Variants in CSMD1 observed in about 807,000 individuals in gnomAD.
The protein encoded by CSMD1 is CUB and Sushi multiple domains 1, also known as CUB and sushi domain-containing protein 1.
In CSMD1, 213 loss-of-function variants were observed where a neutral mutation model predicts 417.5. The observed-to-expected ratio is 0.51, with a 90% CI of 0.46 to 0.57. The LOEUF (loss-of-function observed/expected upper bound fraction) is 0.57. CSMD1 is among the 20% of genes least tolerant of loss of function. The pLI is 0.00. For synonymous variants in CSMD1, 2,862 were observed against 1,736.8 expected, an observed-to-expected ratio of 1.65 and a Z score of -16.11; for missense variants, 6,923 against 4,529.7, an observed-to-expected ratio of 1.53 and a Z score of -15.17.
intron 10 of CSMD1, among the ~76,000 whole-genome samples, chr8:3,513,709 T>A (rs1438044042): frequency 1.3e-5 from 2 of 152,232 alleles, no homozygotes; most frequent in Non-Finnish European, 2.9e-5. Context: ...TATGTAAGTC[T>A]ACTGCCCTCA....
rs190133236 is a variant in CSMD1 at position 4,921,624 on chromosome 8, T to C, written c.85+72708A>G. Among the ~76,000 whole-genome samples, 375 of 152,274 alleles carry C rather than the reference T, an allele frequency of 2.5e-3. 1 individual carries two copies. Among genetic ancestry groups the C allele is most frequent in the Non-Finnish European group, 4.0e-3 (274 of 68,024 alleles). ...AATACCTTTTATTTTACTCAGATAA[T>C]GGAAGGATAACCAACAAGTGTGAAT... On this transcript the variant is annotated intron_variant, in intron 1 of 69. Transcript: ENST00000635120.
At chr8:3,122,004 G>A (rs555313527) in intron 41 of CSMD1, among the ~76,000 whole-genome samples, 34 of 151,714 alleles carry the variant, frequency 2.2e-4, no homozygotes, top group Admixed American at 1.5e-3. Context: ...ATGTAATTGC[G>A]GTTTTTGCCA....
At chr8:4,435,430 T>C (rs1358311722) in intron 2 of CSMD1, among the ~76,000 whole-genome samples, 2 of 152,210 alleles carry the variant, frequency 1.3e-5, no homozygotes, top group Admixed American at 6.5e-5. Flanking sequence ...GCCCAGAGTT[T>C]GTCTAGTTTT....
chr8:3,660,510 TTTTTTTTTTTTTTTTTTTTTTTTTTTTTG>T (rs1798359816), intron 7 of CSMD1, among the ~76,000 whole-genome samples: 2 of 3,026 alleles, frequency 6.6e-4, no homozygotes, highest in African/African-American at 2.0e-3. Context: ...TTTTTTTTTT[TTTTTTTTTTTTTTTTTTTTTTTTTTTTTG>T]AAAAAAAACA....
intron 1 of CSMD1, among the ~76,000 whole-genome samples, chr8:4,977,434 G>T (rs1291192028): frequency 1.3e-5 from 2 of 152,078 alleles, no homozygotes; most frequent in African/African-American, 4.8e-5. Context: ...GTGAGGGGTG[G>T]GTGCATGTCC....
intron 7 of CSMD1, among the ~76,000 whole-genome samples, chr8:3,679,600 C>A (rs1799548415): frequency 6.6e-6 from 1 of 152,010 alleles, no homozygotes. Flanking sequence ...TCTTTAACAC[C>A]CCACTGTCAA....
chr8:4,425,666 A>G (rs1033088323), intron 2 of CSMD1, among the ~76,000 whole-genome samples: 1 of 146,050 alleles, frequency 6.8e-6, no homozygotes, highest in East Asian at 2.1e-4. Context: ...ACTTTGAGGA[A>G]TCCCTGCTTC....
At chr8:3,378,734 T>C (rs1442204933) in intron 18 of CSMD1, among the ~76,000 whole-genome samples, 1 of 152,214 alleles carries the variant, frequency 6.6e-6, no homozygotes, top group Non-Finnish European at 1.5e-5. Context: ...AACTAGGTAG[T>C]GATGGAACAT....
chr8:3,410,291 T>C (rs1048744984), intron 12 of CSMD1, among the ~76,000 whole-genome samples: 1 of 152,236 alleles, frequency 6.6e-6, no homozygotes, highest in African/African-American at 2.4e-5. Context: ...AGAGCCACTG[T>C]GTGTCAGGTC....
intron 6 of CSMD1, among the ~76,000 whole-genome samples, chr8:3,715,231 A>G (rs1373821220): frequency 6.6e-6 from 1 of 152,196 alleles, no homozygotes; most frequent in African/African-American, 2.4e-5. Flanking sequence ...TAAATTTCTA[A>G]GTAAGCGTTG....
chr8:3,263,647 C>A (rs1272971592), intron 26 of CSMD1, among the ~76,000 whole-genome samples: 2 of 152,008 alleles, frequency 1.3e-5, no homozygotes, highest in Non-Finnish European at 1.5e-5. Context: ...CATATAGTTA[C>A]CCAAATTAGA....
chr8:4,477,647 C>A (rs116549614), intron 2 of CSMD1, among the ~76,000 whole-genome samples: 1 of 152,070 alleles, frequency 6.6e-6, no homozygotes, highest in South Asian at 2.1e-4. Flanking sequence ...TCTAAGAAAT[C>A]GTTGACTGGG....
intron 40 of CSMD1, among the ~76,000 whole-genome samples, chr8:3,145,089 G>A (rs985075302): frequency 6.6e-6 from 1 of 152,246 alleles, no homozygotes; most frequent in Non-Finnish European, 1.5e-5. Flanking sequence ...CTGTGTGCAC[G>A]TGTGTTTGTG....
chr8:4,168,419 T>G (rs1369982615), intron 3 of CSMD1, among the ~76,000 whole-genome samples: 1 of 151,932 alleles, frequency 6.6e-6, no homozygotes, highest in Non-Finnish European at 1.5e-5. Flanking sequence ...TATTTTACAT[T>G]TATTTTTTAT....
At chr8:3,657,838 G>C (rs550073834) in intron 7 of CSMD1, among the ~76,000 whole-genome samples, 11 of 152,258 alleles carry the variant, frequency 7.2e-5, no homozygotes, top group South Asian at 6.2e-4. Context: ...AGAACTTGAA[G>C]TATAATAATA....
intron 1 of CSMD1, among the ~76,000 whole-genome samples, chr8:4,869,026 A>T (rs1389606188): frequency 6.6e-6 from 1 of 151,958 alleles, no homozygotes; most frequent in Non-Finnish European, 1.5e-5. Flanking sequence ...ATTTTGTTAT[A>T]TATTACTACA....
chr8:4,355,962 G>C (rs375604822), intron 3 of CSMD1, among the ~76,000 whole-genome samples: 5 of 152,088 alleles, frequency 3.3e-5, no homozygotes, highest in Non-Finnish European at 7.4e-5. Flanking sequence ...TTTTTTTATG[G>C]ATGTTCTTTC....
chr8:4,560,072 CCA>C (rs1644768475), intron 2 of CSMD1, among the ~76,000 whole-genome samples: 1 of 152,256 alleles, frequency 6.6e-6, no homozygotes, highest in Non-Finnish European at 1.5e-5. Context: ...GACTGCATAT[CCA>C]CAGAGGCCTC....
At chr8:4,737,053 G>C (rs1301315260) in intron 1 of CSMD1, among the ~76,000 whole-genome samples, 1 of 152,098 alleles carries the variant, frequency 6.6e-6, no homozygotes, top group Non-Finnish European at 1.5e-5. Context: ...ATTGCAGCAT[G>C]ATTCACAAAA....
Sources: allele counts gnomAD v4.1 joint callset (sites outside exome capture counted in the v4.1 genomes callset), GRCh38; gene constraint gnomAD v4.1.1; transcripts MANE v1.5; gene names NCBI Gene and HGNC (gene_info 2026-07-23, HGNC 2026-07-21).